The following APLP2 variants were observed in gnomAD, a reference collection of about 807,000 sequenced individuals.
The protein encoded by APLP2 is CDEI box-binding protein.
A neutral mutation model predicts 89.9 loss-of-function variants in APLP2; 53 were observed. The observed-to-expected ratio is 0.59, with a 90% CI of 0.47 to 0.74. The LOEUF (loss-of-function observed/expected upper bound fraction) is 0.74, where lower values mean the gene tolerates loss of function less well. Among genes scored for constraint, APLP2 ranks in the 30% least tolerant of loss-of-function variants. The pLI, the probability that APLP2 is intolerant of heterozygous loss-of-function variation, is 0.00. For synonymous variants in APLP2, 372 were observed against 348.6 expected (o/e 1.07, Z -0.75); for missense variants, 973 against 975.9 (o/e 1.00, Z 0.04).
intron 16 of APLP2, among the ~76,000 whole-genome samples, chr11:130,142,720 T>A (rs995385499): frequency 6.6e-6 from 1 of 152,160 alleles, no homozygotes; most frequent in African/African-American, 2.4e-5. Flanking sequence ...TTCAGGTGAT[T>A]CTTGTGCCTC....
At chr11:130,126,191 A>T (rs140297777) in intron 7 of APLP2, among the ~76,000 whole-genome samples, 149 of 152,340 alleles carry the variant, frequency 9.8e-4, no homozygotes, top group African/African-American at 3.3e-3. Context: ...TGCAAAGAAC[A>T]TTCACTTGAG....
At chr11:130,070,335 C>T (rs993757951) in intron 1 of APLP2, among the ~76,000 whole-genome samples, 2 of 151,368 alleles carry the variant, frequency 1.3e-5, no homozygotes, top group Non-Finnish European at 3.0e-5. Flanking sequence ...GGCCGTCCGC[C>T]TCGGCCGACC....
chr11:130,129,135 G>A lies in APLP2; in HGVS notation c.1384G>A (p.Ala462Thr). ...GGAGACCCACCTGGCCCGAGTGGAA[G>A]CTATGCTGAATGACCGCCGTCGGAT... Reference protein sequence around the residue: ...LVETHLARVEAMLNDRRRMAL... With the variant: ...LVETHLARVETMLNDRRRMAL... Residue 462 changes from alanine to threonine, a missense_variant, in exon 10 of 17, where the codon GCT becomes ACT. Transcript: ENST00000338167. 1.2e-6 allele frequency: 2 copies of A among 1,614,240 alleles called. No individual in the cohort carries two copies. Among genetic ancestry groups the A allele is most frequent in the African/African-American group, 1.3e-5 (1 of 75,068 alleles).
intron 13 of APLP2, 30 bp from the exon 14 acceptor site, chr11:130,140,368 G>C (rs776736382): frequency 1.3e-6 from 2 of 1,565,638 alleles, no homozygotes; most frequent in South Asian, 2.4e-5. Context: ...GCCATCCTTG[G>C]GAACTCAGCC....
intron 1 of APLP2, chr11:130,108,876 A>T (rs1292430689): frequency 1.3e-5 from 2 of 152,294 alleles, no homozygotes; most frequent in African/African-American, 4.8e-5. Flanking sequence ...AGCCATAAAA[A>T]GGTTGAGTTC....
intron 1 of APLP2, among the ~76,000 whole-genome samples, chr11:130,108,092 G>A (rs958293181): frequency 3.3e-5 from 5 of 152,170 alleles, no homozygotes; most frequent in Non-Finnish European, 7.3e-5. Context: ...TTAAATGTTA[G>A]ACTTAAAACC....
intron 1 of APLP2, among the ~76,000 whole-genome samples, chr11:130,086,982 A>C (rs1054216941): frequency 9.9e-5 from 15 of 152,246 alleles, no homozygotes; most frequent in Admixed American, 3.3e-4. Context: ...GTTTCTGTGA[A>C]AAAACAAAAC....
chr11:130,111,307 T>G (rs1360961105), intron 3 of APLP2, among the ~76,000 whole-genome samples: 1 of 152,196 alleles, frequency 6.6e-6, no homozygotes, highest in Non-Finnish European at 1.5e-5. Flanking sequence ...TATTTGTGCC[T>G]GATACATTGG....
chr11:130,137,172 A>C, intron 13 of APLP2: 1 of 1,224,772 alleles, frequency 8.2e-7, no homozygotes, highest in South Asian at 1.2e-5. Context: ...ATTCTAAGAT[A>C]GAAATTTTAA....
At chr11:130,077,598 G>A (rs552248103) in intron 1 of APLP2, among the ~76,000 whole-genome samples, 1 of 143,896 alleles carries the variant, frequency 6.9e-6, no homozygotes, top group South Asian at 2.3e-4. Context: ...CATTTCTCAT[G>A]TATGTTTTAG....
intron 1 of APLP2, among the ~76,000 whole-genome samples, chr11:130,083,034 T>C (rs1424012760): frequency 7.7e-5 from 10 of 130,690 alleles, no homozygotes; most frequent in South Asian, 2.7e-4. Context: ...TTCTTTTTTT[T>C]TTTTTTTTTT....
chr11:130,129,299 A>T, intron 10 of APLP2, 93 bp downstream of exon 10: 21 of 1,430,450 alleles, frequency 1.5e-5, no homozygotes, highest in Non-Finnish European at 2.0e-5. Flanking sequence ...CATTTGTATG[A>T]CAAGTTCTGG....
Position 130,092,700 on chromosome 11 carries a change from G to C in APLP2, c.106-16729G>C, listed in dbSNP as rs539158154. 4.9e-5 allele frequency among the ~76,000 whole-genome samples: 6 copies of C among 123,218 alleles called. No homozygotes were observed. The East Asian group carries it at 1.0e-3, about 21-fold the overall frequency. The allele number at this position is 123,218 out of a possible 152,430, so 80.8% of individuals were successfully genotyped here. On this transcript the variant is annotated intron_variant, in intron 1 of 16. Transcript: ENST00000338167. ...CAGCTCCGCATGAGAGGGAGACCGT[G>C]GGGGGAGGGAGGGGGAGGGGGAGGG...
intron 1 of APLP2, among the ~76,000 whole-genome samples, chr11:130,076,764 A>T (rs1017447427): frequency 2.0e-5 from 3 of 152,204 alleles, no homozygotes; most frequent in African/African-American, 7.2e-5. Context: ...AGGAAGAGAT[A>T]GTCTCTTCCT....
rs1949786379 is a variant in APLP2, at chr11:130,121,248, G to A, written c.517-366G>A. On this transcript the variant is annotated intron_variant, in intron 4 of 16. Transcript: ENST00000338167. ...TGTAATTAGGCTGGCTCTGCTCTTT[G>A]GTCAGTAATCTTCCTTTGGTCAAAT... Among the ~76,000 whole-genome samples, 2 of 152,136 alleles carry A rather than the reference G, an allele frequency of 1.3e-5. 1 individual carries two copies. Among genetic ancestry groups the A allele is most frequent in the South Asian group, 4.1e-4 (2 of 4,828 alleles).
chr11:130,123,523 C>A lies in APLP2; in HGVS notation c.923-89C>A. ...CCGTCCAGTCTCAGGCCTCCCCCAGCCCATCCCCCAGCTCGCCAGCCTGTA... is the reference window on the plus strand; with the variant it reads ...CCGTCCAGTCTCAGGCCTCCCCCAGACCATCCCCCAGCTCGCCAGCCTGTA... On this transcript the variant is annotated intron_variant, in intron 6 of 16. Transcript: ENST00000338167. The surrounding 1 kb of genome is among the most constrained non-coding windows in gnomAD (Gnocchi z 4.0). 1 of 1,407,554 alleles carries A rather than the reference C, an allele frequency of 7.1e-7. No individual in the cohort carries two copies. The highest frequency in any genetic ancestry group is 9.6e-7 in the Non-Finnish European group (1 of 1,036,888). 87.2% of individuals were successfully genotyped at this position (1,407,554 alleles called of 1,614,324 possible).
intron 1 of APLP2, among the ~76,000 whole-genome samples, chr11:130,096,815 C>T (rs544972367): frequency 2.6e-5 from 4 of 152,258 alleles, no homozygotes; most frequent in South Asian, 2.1e-4. Flanking sequence ...TCTTTTTACT[C>T]GAGGGTAGCT....
intron 13 of APLP2, among the ~76,000 whole-genome samples, chr11:130,137,552 C>T (rs572842740): frequency 1.3e-5 from 2 of 152,302 alleles, no homozygotes; most frequent in South Asian, 4.1e-4. Flanking sequence ...TCAGAGAATG[C>T]ACAGCAACCA....
intron 1 of APLP2, among the ~76,000 whole-genome samples, chr11:130,091,063 C>T (rs1944990791): frequency 2.0e-5 from 3 of 146,606 alleles, no homozygotes; most frequent in South Asian, 2.1e-4. Context: ...ACCTCCCTCC[C>T]GGACGGGGCG....
Sources: allele counts gnomAD v4.1 joint callset (sites outside exome capture counted in the v4.1 genomes callset), GRCh38; gene constraint gnomAD v4.1.1; non-coding constraint Gnocchi (gnomAD v3.1); transcripts MANE v1.5; gene names NCBI Gene and HGNC (gene_info 2026-07-23, HGNC 2026-07-21).